HOOK3: variants seen among roughly 807,000 people sequenced by gnomAD.
HOOK3 encodes hook microtubule tethering protein 3.
Under a neutral mutation model 116.3 loss-of-function variants are expected in HOOK3, and 24 were observed. That is an observed-to-expected ratio of 0.21 (90% CI 0.15 to 0.29). HOOK3 has a LOEUF of 0.29. Ranked by LOEUF, HOOK3 falls within the 10% of genes least tolerant of loss-of-function variation. The pLI is 1.00. For missense variants in HOOK3, 632 were observed against 830.2 expected, an observed-to-expected ratio of 0.76 and a Z score of 2.93; for synonymous variants, 275 against 283.0, an observed-to-expected ratio of 0.97 and a Z score of 0.28.
chr8:42,982,413 T>G (rs1307225427), intron 13 of HOOK3, among the ~76,000 whole-genome samples: 1 of 152,140 alleles, frequency 6.6e-6, no homozygotes. Flanking sequence ...TACACAACAT[T>G]GTGAATATAC....
chr8:42,932,184 G>C (rs1463146699), intron 4 of HOOK3, among the ~76,000 whole-genome samples: 4 of 152,000 alleles, frequency 2.6e-5, no homozygotes, highest in Non-Finnish European at 5.9e-5. Flanking sequence ...TAATTTCCAA[G>C]AAAAACATGA....
chr8:42,970,878 C>T (rs1364078006), intron 11 of HOOK3, among the ~76,000 whole-genome samples: 3 of 150,874 alleles, frequency 2.0e-5, no homozygotes, highest in African/African-American at 7.4e-5. Context: ...GCCTCGACCC[C>T]CCAGGCTCAG....
intron 7 of HOOK3, among the ~76,000 whole-genome samples, chr8:42,957,956 A>G (rs944182744): frequency 6.6e-6 from 1 of 151,684 alleles, no homozygotes; most frequent in African/African-American, 2.4e-5. Context: ...CAGCCTCCCA[A>G]GTAGCTGGGA....
chr8:42,899,806 T>C (rs891755277), intron 1 of HOOK3, among the ~76,000 whole-genome samples: 1 of 152,236 alleles, frequency 6.6e-6, no homozygotes, highest in African/African-American at 2.4e-5. Flanking sequence ...AGCTGAATGA[T>C]TCCGTCTTTG....
At chr8:42,903,444 C>A (rs1807236794) in intron 1 of HOOK3, among the ~76,000 whole-genome samples, 1 of 149,696 alleles carries the variant, frequency 6.7e-6, no homozygotes, top group African/African-American at 2.4e-5. Context: ...TCCCGAGTTC[C>A]CACCATTCTC....
chr8:42,941,072 A>G (rs1808107273), intron 4 of HOOK3, among the ~76,000 whole-genome samples: 1 of 151,788 alleles, frequency 6.6e-6, no homozygotes, highest in African/African-American at 2.4e-5. Context: ...TTGGCCTCCC[A>G]AGTAGCTAGG....
intron 4 of HOOK3, among the ~76,000 whole-genome samples, chr8:42,933,241 G>T (rs547242264): frequency 6.6e-6 from 1 of 152,164 alleles, no homozygotes; most frequent in African/African-American, 2.4e-5. Flanking sequence ...AAAAGTGTGA[G>T]ATTGTATATG....
Position 42,914,460 on chromosome 8 carries a change from A to G in HOOK3, c.143+8202A>G, listed in dbSNP as rs780880029. Among the ~76,000 whole-genome samples, 5 of 152,152 alleles carry G rather than the reference A, an allele frequency of 3.3e-5. No individual in the cohort carries two copies. In the South Asian group the frequency reaches 6.2e-4, roughly 19 times the overall value. On this transcript the variant is annotated intron_variant, in intron 2 of 21. Transcript: ENST00000307602. ...CACAATCTGTTTTCTATTTACCACT[A>G]TTTAATCACTACTTCCTGTCATTCC...
At chr8:42,946,604 G>A (rs942996961) in intron 5 of HOOK3, among the ~76,000 whole-genome samples, 1 of 151,460 alleles carries the variant, frequency 6.6e-6, no homozygotes, top group Non-Finnish European at 1.5e-5. Flanking sequence ...TTAACTTGTT[G>A]TTTGTACTTT....
At chr8:42,932,654 C>G (rs949548442) in intron 4 of HOOK3, among the ~76,000 whole-genome samples, 1 of 152,050 alleles carries the variant, frequency 6.6e-6, no homozygotes, top group Non-Finnish European at 1.5e-5. Context: ...CTAGCCTGAG[C>G]GTGCCTGAGA....
In HOOK3 at chr8:43,019,024, A is replaced by G. The variant is rs1809771133; in HGVS notation, c.*526A>G. 4.8e-6 allele frequency: 1 copy of G among 208,310 alleles called. No individual in the cohort carries two copies. The highest frequency in any genetic ancestry group is 2.3e-5 in the African/African-American group (1 of 44,046). 12.9% of individuals were successfully genotyped at this position (208,310 alleles called of 1,614,324 possible). ...GTGTTCTTTTTGCAAAGACTTGAAT[A>G]CATTGGCAGAGGTGCTAATCACATC... is the stretch of plus-strand genomic sequence containing the variant. On this transcript the variant is annotated 3_prime_UTR_variant, in exon 22 of 22. Coordinates refer to ENST00000307602, the MANE Select transcript of HOOK3 (RefSeq NM_032410.4).
chr8:43,011,774 G>A (rs183744171), intron 19 of HOOK3, among the ~76,000 whole-genome samples: 35 of 152,294 alleles, frequency 2.3e-4, no homozygotes, highest in Admixed American at 1.6e-3. Context: ...AGCTGTTCAG[G>A]AGGCTGGGGC....
Position 43,021,328 on chromosome 8 carries a change from G to A in HOOK3, c.*2830G>A, listed in dbSNP as rs529569181. 4.0e-4 allele frequency: 75 copies of A among 187,432 alleles called. No individual in the cohort carries two copies. The highest frequency in any genetic ancestry group is 1.3e-3 in the African/African-American group (54 of 42,702). The allele number at this position is 187,432 out of a possible 1,614,324, so 11.6% of individuals were successfully genotyped here. On this transcript the variant is annotated 3_prime_UTR_variant, in exon 22 of 22. Transcript: ENST00000307602. Reference sequence around the variant, plus strand: ...CTGACTTTTTTTTCCCCCCGAGACGGAGCCTCGTTCCGTCACCCAGGCTGT... The same window carrying A: ...CTGACTTTTTTTTCCCCCCGAGACGAAGCCTCGTTCCGTCACCCAGGCTGT...
At chr8:42,927,389 T>C (rs1807789524) in intron 3 of HOOK3, among the ~76,000 whole-genome samples, 1 of 151,818 alleles carries the variant, frequency 6.6e-6, no homozygotes, top group Admixed American at 6.6e-5. Flanking sequence ...CCCGAGTAGC[T>C]GGGATTACAG....
At chr8:43,012,274 G>A (rs902328441) in intron 19 of HOOK3, among the ~76,000 whole-genome samples, 6 of 152,176 alleles carry the variant, frequency 3.9e-5, no homozygotes, top group Non-Finnish European at 8.8e-5. Context: ...ACAACTAGGC[G>A]ATATGGTATG....
At chr8:42,940,300 C>T (rs1463677877) in intron 4 of HOOK3, among the ~76,000 whole-genome samples, 2 of 152,214 alleles carry the variant, frequency 1.3e-5, no homozygotes, top group South Asian at 4.1e-4. Context: ...GCCAACACAG[C>T]GAAACCCCGT....
At chr8:43,016,797 G>A (rs772565996) in intron 21 of HOOK3, among the ~76,000 whole-genome samples, 7 of 152,172 alleles carry the variant, frequency 4.6e-5, no homozygotes, top group Non-Finnish European at 1.0e-4. Flanking sequence ...TTCAAGTTGA[G>A]TTTAAAAACA....
chr8:43,021,767 C>G lies in HOOK3; in HGVS notation c.*3269C>G, dbSNP rs1417150234. ...CACTGCAAGCTCCGCCTCCCGGGTT[C>G]ACGCCATTCTCCTGCCTCAGCCTCC... On this transcript the variant is annotated 3_prime_UTR_variant, in exon 22 of 22. Transcript: ENST00000307602. The G allele has an allele frequency of 6.4e-6, 1 of 157,012 alleles. No individual in the cohort carries two copies. Among genetic ancestry groups the G allele is most frequent in the African/African-American group, 2.4e-5 (1 of 41,278 alleles). 9.7% of individuals were successfully genotyped at this position (157,012 alleles called of 1,614,324 possible).
chr8:42,950,772 A>G (rs1586606368), intron 6 of HOOK3, among the ~76,000 whole-genome samples: 1 of 151,182 alleles, frequency 6.6e-6, no homozygotes, highest in Non-Finnish European at 1.5e-5. Flanking sequence ...TGCAACTTCC[A>G]CCTCCTGGGT....
Sources: allele counts gnomAD v4.1 joint callset (sites outside exome capture counted in the v4.1 genomes callset), GRCh38; gene constraint gnomAD v4.1.1; transcripts MANE v1.5; gene names NCBI Gene and HGNC (gene_info 2026-07-23, HGNC 2026-07-21).